Variants in DNAH6 observed in about 807,000 individuals in gnomAD.
The protein encoded by DNAH6 is dynein axonemal heavy chain 6.
In DNAH6, 340 loss-of-function variants were observed where a neutral mutation model predicts 491.4. The ratio of observed to expected loss-of-function variants is 0.69; its 90% CI spans 0.63 to 0.76. The LOEUF (loss-of-function observed/expected upper bound fraction) is 0.76, where lower values mean the gene tolerates loss of function less well. Ranked by LOEUF, DNAH6 falls within the 30% of genes least tolerant of loss-of-function variation. DNAH6 has a pLI of 0.00. For synonymous variants in DNAH6, 1,603 were observed against 1,686.1 expected (o/e 0.95, Z 1.21); for missense variants, 4,443 against 4,972.2 (o/e 0.89, Z 3.20).
chr2:84,761,235 C>T (rs1449439515), intron 63 of DNAH6, among the ~76,000 whole-genome samples: 2 of 152,058 alleles, frequency 1.3e-5, no homozygotes, highest in African/African-American at 4.8e-5. Flanking sequence ...AGGCAAATAT[C>T]ACATGTTCTC....
At chr2:84,755,907 C>T (rs1019339195) in intron 63 of DNAH6, among the ~76,000 whole-genome samples, 1 of 152,124 alleles carries the variant, frequency 6.6e-6, no homozygotes, top group Non-Finnish European at 1.5e-5. Context: ...GTGCTGTTCT[C>T]GTGACAGTGA....
rs1279114568 is a variant in DNAH6, at chr2:84,653,693, C to T, written c.5453C>T (p.Ala1818Val). The change falls in exon 34 of 77, where the codon GCA (alanine) becomes GTA (valine). Residue 1818 changes from alanine (A) to valine (V), a missense_variant. Ala to Val is a moderately conservative substitution (Grantham distance 64, BLOSUM62 0). Coordinates refer to ENST00000389394, the MANE Select transcript of DNAH6 (RefSeq NM_001370.2). ...TTGGAATGGAAAGATGGTTTGATGG[C>T]ACTAAGTGTCCGAGCAGCTGTGAAT... ...LTLEWKDGLM[A>V]LSVRAAVNDT... is the part of the protein sequence containing the mutation. The T allele has an allele frequency of 7.7e-6, 12 of 1,551,124 alleles. No individual in the cohort carries two copies. Among genetic ancestry groups the T allele is most frequent in the Non-Finnish European group, 1.0e-5 (12 of 1,146,722 alleles).
the DNAH6 span, among the ~76,000 whole-genome samples, chr2:84,470,451 C>T: frequency 1.3e-5 from 2 of 152,186 alleles, no homozygotes; most frequent in Admixed American, 6.5e-5. Context: ...ATGATATGCT[C>T]ATCAAAGCTT....
At position 84,594,099 on chromosome 2, in the gene DNAH6, G is replaced by A. The variant is rs1276288455; in HGVS notation, c.2724+14G>A. The A allele has an allele frequency of 1.5e-6, 2 of 1,349,046 alleles. No individual in the cohort carries two copies. The highest frequency in any genetic ancestry group is 2.1e-6 in the Non-Finnish European group (2 of 974,580). The allele number at this position is 1,349,046 out of a possible 1,614,324, so 83.6% of individuals were successfully genotyped here. A position where few individuals can be genotyped will look rare whatever the true frequency, so the allele number is the denominator to read the frequency against. ...GAATGGTTAAAGGTAGGGGAAAAAA[G>A]CCTTCAGTTCTCAAATTATTTTTGT... On this transcript the variant is annotated intron_variant, in intron 17 of 76. Transcript: ENST00000389394.
chr2:84,630,601 A>G (rs569294890), intron 29 of DNAH6, among the ~76,000 whole-genome samples: 11 of 152,236 alleles, frequency 7.2e-5, no homozygotes, highest in Non-Finnish European at 1.3e-4. Flanking sequence ...GGGAACTGCT[A>G]TAAATTTAAA....
chr2:84,547,497 A>G lies in DNAH6; in HGVS notation c.1071A>G (p.Thr357=). ...ACATATTCAACAATATCTAGGTGAC[A>G]GAACGCCTAGGAGAATTTCGAAATG... ...AAQVIRLAEV[T]ERLGEFRNEA... Residue 357 remains threonine (T), a synonymous_variant, in exon 7 of 77, where the codon ACA becomes ACG. Transcript: ENST00000389394. 2 of 1,551,688 alleles carry G rather than the reference A, an allele frequency of 1.3e-6. No homozygotes were observed. Among genetic ancestry groups the G allele is most frequent in the Non-Finnish European group, 1.7e-6 (2 of 1,146,922 alleles).
chr2:84,543,261 A>G (rs925566959), intron 4 of DNAH6, among the ~76,000 whole-genome samples: 1 of 152,202 alleles, frequency 6.6e-6, no homozygotes, highest in African/African-American at 2.4e-5. Flanking sequence ...GCCGTGGAAA[A>G]TAGCTGATTT....
At chr2:84,782,956 C>G (rs1238223381) in intron 65 of DNAH6, among the ~76,000 whole-genome samples, 2 of 152,060 alleles carry the variant, frequency 1.3e-5, no homozygotes, top group African/African-American at 4.8e-5. Context: ...GCTAATGAAG[C>G]CAGCTGAAGT....
chr2:84,676,448 T>G (rs752501045), intron 40 of DNAH6, among the ~76,000 whole-genome samples: 8 of 152,220 alleles, frequency 5.3e-5, no homozygotes, highest in Non-Finnish European at 8.8e-5. Context: ...TAAGCTTCAT[T>G]TAGGCATGAC....
At chr2:84,543,584 A>G (rs1236498287) in intron 4 of DNAH6, among the ~76,000 whole-genome samples, 1 of 152,148 alleles carries the variant, frequency 6.6e-6, no homozygotes, top group Non-Finnish European at 1.5e-5. Flanking sequence ...GTTTTAGAGA[A>G]TCGGCCCTAT....
At chr2:84,703,332 T>A (rs1696110714) in intron 49 of DNAH6, 63 bp from the exon 50 acceptor site, 2 of 1,232,048 alleles carry the variant, frequency 1.6e-6, no homozygotes, top group Admixed American at 5.8e-5. Flanking sequence ...TAATATGTGT[T>A]CGATACCAGT....
chr2:84,519,630 T>G (rs555424499), intron 2 of DNAH6, among the ~76,000 whole-genome samples: 8 of 145,102 alleles, frequency 5.5e-5, no homozygotes, highest in Non-Finnish European at 1.2e-4. Flanking sequence ...TCTTCCCCCC[T>G]TCTTTCCCCT....
At chr2:84,609,339 C>A (rs1686088584) in intron 21 of DNAH6, among the ~76,000 whole-genome samples, 1 of 152,118 alleles carries the variant, frequency 6.6e-6, no homozygotes, top group South Asian at 2.1e-4. Flanking sequence ...TGGCTTTTGA[C>A]ATGCCTTCTT....
At chr2:84,780,823 G>C (rs144716358) in intron 64 of DNAH6, among the ~76,000 whole-genome samples, 2 of 152,102 alleles carry the variant, frequency 1.3e-5, no homozygotes, top group African/African-American at 4.8e-5. Context: ...CTTGACTGTG[G>C]TGTATGTTGT....
In DNAH6 at chr2:84,660,082, A is replaced by G. The variant is rs1691353036; in HGVS notation, c.6084+913A>G. 2.0e-5 allele frequency among the ~76,000 whole-genome samples: 3 copies of G among 152,356 alleles called. No homozygotes were observed. The South Asian group carries it at 6.2e-4, about 32-fold the overall frequency. On this transcript the variant is annotated intron_variant, in intron 37 of 76. Transcript: ENST00000389394. ...GAACTAGACACAAAGACACCTTGAT[A>G]GCAGCAATGAGCATATCTAGTATAC... is the stretch of plus-strand genomic sequence containing the variant.
At chr2:84,708,482 G>GA (rs1553473262) in intron 54 of DNAH6, among the ~76,000 whole-genome samples, 1 of 100,952 alleles carries the variant, frequency 9.9e-6, no homozygotes, top group African/African-American at 4.0e-5. Flanking sequence ...GAAAGGGGGG[G>GA]GGGAGGGAGG....
chr2:84,646,303 TCTC>T (rs1044034196), intron 33 of DNAH6, among the ~76,000 whole-genome samples: 1 of 151,974 alleles, frequency 6.6e-6, no homozygotes, highest in Non-Finnish European at 1.5e-5. Context: ...TCTCTCTCCT[TCTC>T]CTTGGGCCTC....
chr2:84,545,484 G>A (rs1432947285), intron 5 of DNAH6, among the ~76,000 whole-genome samples: 1 of 152,056 alleles, frequency 6.6e-6, no homozygotes, highest in Non-Finnish European at 1.5e-5. Context: ...TTGTTGCTAG[G>A]TATGTAAAAT....
intron 14 of DNAH6, among the ~76,000 whole-genome samples, 199 bp downstream of exon 14, chr2:84,579,878 G>C (rs1290914674): frequency 6.6e-6 from 1 of 152,126 alleles, no homozygotes; most frequent in Non-Finnish European, 1.5e-5. Flanking sequence ...GTCAGGCATC[G>C]TATTACACTT....
Sources: allele counts gnomAD v4.1 joint callset (sites outside exome capture counted in the v4.1 genomes callset), GRCh38; gene constraint gnomAD v4.1.1; transcripts MANE v1.5; gene names NCBI Gene and HGNC (gene_info 2026-07-23, HGNC 2026-07-21).